TECRL: variants seen among roughly 807,000 people sequenced by gnomAD.
The protein encoded by TECRL is trans-2,3-enoyl-CoA reductase-like.
In TECRL, 63 loss-of-function variants were observed where a neutral mutation model predicts 52.8. That is an observed-to-expected ratio of 1.19 (90% CI 0.97 to 1.47). The LOEUF is 1.47. Ranked by LOEUF, TECRL falls within the 40% of genes most tolerant of loss-of-function variation. TECRL has a pLI of 0.00. For missense variants in TECRL, 482 were observed against 429.6 expected, an observed-to-expected ratio of 1.12 and a Z score of -1.08; for synonymous variants, 164 against 141.9, an observed-to-expected ratio of 1.16 and a Z score of -1.10.
chr4:64,402,305 T>C (rs1439792953), intron 1 of TECRL, among the ~76,000 whole-genome samples: 5 of 152,148 alleles, frequency 3.3e-5, no homozygotes, highest in Middle Eastern at 3.4e-3. Flanking sequence ...ACTGATACAT[T>C]TGTAAAATAC....
intron 5 of TECRL, among the ~76,000 whole-genome samples, chr4:64,311,117 T>G (rs941268832): frequency 6.6e-6 from 1 of 152,202 alleles, no homozygotes; most frequent in Non-Finnish European, 1.5e-5. Context: ...TTTATACGTT[T>G]GGGAGTTGAT....
At chr4:64,297,941 A>G (rs1030941028) in intron 8 of TECRL, among the ~76,000 whole-genome samples, 1 of 151,182 alleles carries the variant, frequency 6.6e-6, no homozygotes, top group African/African-American at 2.4e-5. Flanking sequence ...TTTATTTCTT[A>G]TGACAATTTA....
chr4:64,289,681 A>C, intron 9 of TECRL, 29 bp downstream of exon 9: 1 of 1,452,534 alleles, frequency 6.9e-7, no homozygotes, highest in Middle Eastern at 1.8e-4. Context: ...AATTCACTCT[A>C]AAGAAAAGAA....
At chr4:64,321,949 G>T (rs982476582) in intron 4 of TECRL, among the ~76,000 whole-genome samples, 2 of 152,098 alleles carry the variant, frequency 1.3e-5, no homozygotes, top group African/African-American at 4.8e-5. Context: ...TAGATTACTA[G>T]AAGGAAAAGG....
intron 2 of TECRL, among the ~76,000 whole-genome samples, chr4:64,366,150 A>C (rs1297366733): frequency 6.6e-6 from 1 of 152,164 alleles, no homozygotes; most frequent in African/African-American, 2.4e-5. Flanking sequence ...CTCCCCATTC[A>C]ATAAACGGCA....
At chr4:64,336,619 T>G (rs539731983) in intron 2 of TECRL, among the ~76,000 whole-genome samples, 1 of 152,346 alleles carries the variant, frequency 6.6e-6, no homozygotes, top group Admixed American at 6.5e-5. Context: ...ATTTTAGAAC[T>G]TTCCCGCTTT....
intron 2 of TECRL, among the ~76,000 whole-genome samples, chr4:64,362,483 C>T (rs943269308): frequency 7.2e-5 from 11 of 151,972 alleles, no homozygotes; most frequent in African/African-American, 2.7e-4. Context: ...TGAAAGATAA[C>T]CCCATCAGGC....
At chr4:64,368,431 G>T (rs575613452) in intron 2 of TECRL, among the ~76,000 whole-genome samples, 1 of 125,942 alleles carries the variant, frequency 7.9e-6, no homozygotes, top group African/African-American at 2.6e-5. Context: ...GAGTAGCTGG[G>T]ATTACAGGCG....
At chr4:64,387,124 A>G (rs1347684760) in intron 1 of TECRL, among the ~76,000 whole-genome samples, 1 of 152,132 alleles carries the variant, frequency 6.6e-6, no homozygotes, top group Non-Finnish European at 1.5e-5. Context: ...AGCTGTCATC[A>G]TTGTTTTGCC....
intron 8 of TECRL, among the ~76,000 whole-genome samples, chr4:64,298,637 G>T (rs1201702534): frequency 6.6e-6 from 1 of 150,682 alleles, no homozygotes; most frequent in Non-Finnish European, 1.5e-5. Context: ...GAAAAGGGAA[G>T]AAATTAATAA....
At chr4:64,406,943 G>A (rs1724767448) in intron 1 of TECRL, among the ~76,000 whole-genome samples, 1 of 150,334 alleles carries the variant, frequency 6.7e-6, no homozygotes, top group Non-Finnish European at 1.5e-5. Flanking sequence ...ATAACATCAG[G>A]AATAATAATA....
chr4:64,297,648 A>C (rs755114000), intron 8 of TECRL, among the ~76,000 whole-genome samples: 1 of 151,158 alleles, frequency 6.6e-6, no homozygotes, highest in Non-Finnish European at 1.5e-5. Flanking sequence ...TTTCCAAATC[A>C]TTTGCACATA....
At chr4:64,344,949 A>C (rs980239165) in intron 2 of TECRL, among the ~76,000 whole-genome samples, 2 of 152,244 alleles carry the variant, frequency 1.3e-5, no homozygotes, top group African/African-American at 4.8e-5. Context: ...AACATTGTCC[A>C]TAAAGAAGTT....
intron 1 of TECRL, among the ~76,000 whole-genome samples, chr4:64,382,997 T>G (rs1351764460): frequency 6.6e-6 from 1 of 152,182 alleles, no homozygotes; most frequent in Non-Finnish European, 1.5e-5. Context: ...TCTTTCAGTT[T>G]TTGCTTATCT....
chr4:64,364,302 A>T (rs1224832185), intron 2 of TECRL, among the ~76,000 whole-genome samples: 1 of 152,038 alleles, frequency 6.6e-6, no homozygotes, highest in Non-Finnish European at 1.5e-5. Context: ...ATCTATATTA[A>T]GAAGTTGGTA....
intron 9 of TECRL, among the ~76,000 whole-genome samples, chr4:64,283,482 T>C (rs768023785): frequency 2.0e-5 from 3 of 152,068 alleles, no homozygotes; most frequent in Non-Finnish European, 2.9e-5. Context: ...TGTAAAAATC[T>C]TTTACTACTG....
chr4:64,281,870 G>C (rs1470090073), intron 9 of TECRL, among the ~76,000 whole-genome samples: 1 of 151,718 alleles, frequency 6.6e-6, no homozygotes, highest in Non-Finnish European at 1.5e-5. Flanking sequence ...ACATTATAAT[G>C]ATTGAAATAG....
intron 2 of TECRL, among the ~76,000 whole-genome samples, chr4:64,374,471 T>C (rs1312933848): frequency 6.6e-6 from 1 of 152,146 alleles, no homozygotes; most frequent in East Asian, 1.9e-4. Context: ...GCAGGTTTGT[T>C]ACATATGTAT....
intron 2 of TECRL, among the ~76,000 whole-genome samples, chr4:64,370,919 T>C (rs1042392669): frequency 6.6e-5 from 10 of 151,894 alleles, no homozygotes; most frequent in African/African-American, 2.4e-4. Flanking sequence ...TTTGAAAATA[T>C]GTTTTGATAT....
Sources: gnomAD v4.1 joint callset for allele counts (sites outside exome capture counted in the v4.1 genomes callset) on GRCh38, gnomAD v4.1.1 for gene constraint, MANE v1.5 for transcripts, NCBI Gene and HGNC (gene_info 2026-07-23, HGNC 2026-07-21) for gene names.